Variants in PKD1 observed in about 807,000 individuals in gnomAD.
PKD1 encodes polycystin-1.
In PKD1, 81 loss-of-function variants were observed where a neutral mutation model predicts 361.7. The observed-to-expected ratio is 0.22, with a 90% CI of 0.19 to 0.27. The LOEUF (loss-of-function observed/expected upper bound fraction) is 0.27, where lower values mean the gene tolerates loss of function less well. Ranked by LOEUF, PKD1 falls within the 10% of genes least tolerant of loss-of-function variation. The pLI is 1.00. For synonymous variants in PKD1, 3,615 were observed against 2,818.3 expected (o/e 1.28, Z -8.95); for missense variants, 6,399 against 6,118.3 (o/e 1.05, Z -1.53).
chr16:2,102,728 C>G (rs2092148039), intron 24 of PKD1, 86 bp downstream of exon 24: 1 of 1,606,028 alleles, frequency 6.2e-7, no homozygotes, highest in South Asian at 1.1e-5. Context: ...CCCTCGCTGC[C>G]TGCCGTCCCC....
In PKD1 at chr16:2,103,485, C is replaced by T. The variant is rs755522953; in HGVS notation, c.8572G>A (p.Gly2858Ser). ...VASMAFQTQAGAQIPIERLAS... is the reference protein window; with the variant it reads ...VASMAFQTQASAQIPIERLAS... The stretch of plus-strand genomic sequence containing the variant: ...AGCCGCTCGATGGGGATCTGGGCGC[C>T]GGCCTGTGTCTGGAATGCCATCGAG... Residue 2858 changes from glycine to serine, a missense_variant, in exon 23 of 46, where the codon GGC becomes AGC. Physicochemically the swap from Gly to Ser is moderately conservative, Grantham distance 56. Transcript: ENST00000262304. 117 of 1,602,202 alleles carry T rather than the reference C, an allele frequency of 7.3e-5. No homozygotes were observed. The highest frequency in any genetic ancestry group is 8.9e-5 in the East Asian group (4 of 44,854).
At position 2,109,053 on chromosome 16, in the gene PKD1, G is replaced by C; in HGVS notation, c.6114C>G (p.Ile2038Met). 1 of 1,607,322 alleles carries C rather than the reference G, an allele frequency of 6.2e-7. No individual in the cohort carries two copies. The highest frequency in any genetic ancestry group is 1.1e-5 in the South Asian group (1 of 90,956). ...CCAGGGCGTTGAAGGCGCGCACCTG[G>C]ATCTCCAACAGCCCCGCGGCCACGG... Reference protein sequence around the residue: ...YTPVAAGLLEIQVRAFNALGS... With the variant: ...YTPVAAGLLEMQVRAFNALGS... The change falls in exon 15 of 46, where the codon ATC (isoleucine) becomes ATG (methionine). Residue 2038 changes from isoleucine (I) to methionine (M), a missense_variant. Transcript: ENST00000262304.
rs1871077601 is a variant in PKD1, at chr16:2,112,399, T to G, written c.3236A>C (p.Asp1079Ala). ...CACCAGCACCTGGGCCACCGAGGGG[T>G]CTGGAACCGGGAAGGACTCGTTGTA... ...PPYNESFPVP[D>A]PSVAQVLVEH... Residue 1079 changes from aspartate (D) to alanine (A), a missense_variant, in exon 14 of 46, where the codon GAC becomes GCC. Asp to Ala is a moderately radical substitution (Grantham distance 126). Coordinates refer to ENST00000262304, the MANE Select transcript of PKD1 (RefSeq NM_001009944.3). 14 of 1,587,054 alleles carry G rather than the reference T, an allele frequency of 8.8e-6. No individual in the cohort carries two copies. Among genetic ancestry groups the G allele is most frequent in the Non-Finnish European group, 1.2e-5 (14 of 1,174,198 alleles).
In PKD1 at chr16:2,123,248, G is replaced by A. The variant is rs543391883; in HGVS notation, c.216-3870C>T. 1.4e-4 allele frequency among the ~76,000 whole-genome samples: 21 copies of A among 152,250 alleles called. 1 individual carries two copies. In the East Asian group the frequency reaches 4.1e-3, roughly 30 times the overall value. On this transcript the variant is annotated intron_variant, in intron 1 of 45. Transcript: ENST00000262304. ...CCCAGAAATGCAGCAAGGTCTTGGG[G>A]ACCCCGCTCGGCCGAGCTCCCAGGG...
At position 2,090,291 on chromosome 16, in the gene PKD1, G is replaced by A; in HGVS notation, c.12438C>T (p.Val4146=). The part of the protein sequence containing the change: ...RLRLWMGLSK[V]KEFRHKVRFE... ...CCCACTGGGCCGTACCCACCTCCTT[G>A]ACCTTGCTGAGGCCCATCCAGAGGC... The change falls in exon 45 of 46, where the codon GTC becomes GTT. Residue 4146 remains valine, a synonymous_variant. Coordinates refer to ENST00000262304, the MANE Select transcript of PKD1 (RefSeq NM_001009944.3). 6.2e-7 allele frequency: 1 copy of A among 1,609,872 alleles called. No individual in the cohort carries two copies. Among genetic ancestry groups the A allele is most frequent in the South Asian group, 1.1e-5 (1 of 90,856 alleles).
chr16:2,098,025 C>T, intron 30 of PKD1, 41 bp from the exon 31 acceptor site: 1 of 1,120,072 alleles, frequency 8.9e-7, no homozygotes, highest in Non-Finnish European at 1.3e-6. Flanking sequence ...GCAGCTCAGA[C>T]CTGCTCAGGA....
Position 2,108,288 on chromosome 16 carries a change from C to T in PKD1, c.6879G>A (p.Pro2293=), listed in dbSNP as rs368538584. 2.0e-5 allele frequency: 32 copies of T among 1,601,108 alleles called. No individual in the cohort carries two copies. Among genetic ancestry groups the T allele is most frequent in the South Asian group, 8.9e-5 (8 of 90,240 alleles). Residue 2293 remains proline (P), a synonymous_variant, in exon 15 of 46, where the codon CCG becomes CCA. Transcript: ENST00000262304. ...CCACACAGGCCCAGTGGAAACTGAGCGGCGTCTGGTCGCCGTCCTCCAGGT... is the reference window on the plus strand; with the variant it reads ...CCACACAGGCCCAGTGGAAACTGAGTGGCGTCTGGTCGCCGTCCTCCAGGT... The part of the protein sequence containing the change: ...DPNLEDGDQT[P]LSFHWACVAS...
At position 2,132,592 on chromosome 16, in the gene PKD1, G is replaced by GA. The variant is rs1156324208; in HGVS notation, c.215+2882dup. ...TCCGTCTCAAAAAAAAAAAAAAAAA[G>GA]AAAAAAAAAAAGACATCAACTAATT... On this transcript the variant is annotated intron_variant, in intron 1 of 45. Transcript: ENST00000262304. 1.0e-4 allele frequency among the ~76,000 whole-genome samples: 14 copies of GA among 134,588 alleles called. 1 individual carries two copies. The highest frequency in any genetic ancestry group is 1.2e-4 in the African/African-American group (4 of 33,454). The allele number at this position is 134,588 out of a possible 152,430, so 88.3% of individuals were successfully genotyped here. A position where few individuals can be genotyped will look rare whatever the true frequency, so the allele number is the denominator to read the frequency against.
At position 2,089,463 on chromosome 16, in the gene PKD1, A is replaced by T. The variant is rs1425565939; in HGVS notation, c.*264T>A. 2.4e-5 allele frequency: 13 copies of T among 544,050 alleles called. No individual in the cohort carries two copies. Among genetic ancestry groups the T allele is most frequent in the Non-Finnish European group, 3.9e-5 (12 of 304,170 alleles). The allele number at this position is 544,050 out of a possible 1,614,324, so 33.7% of individuals were successfully genotyped here. On this transcript the variant is annotated 3_prime_UTR_variant, in exon 46 of 46. Transcript: ENST00000262304. ...GCCCGCTGTACCTGAGGACTCGGGG[A>T]AATAAATTAGCATCTCAGAGGCTAG...
At chr16:2,132,344 C>T (rs894218512) in intron 1 of PKD1, among the ~76,000 whole-genome samples, 1 of 151,396 alleles carries the variant, frequency 6.6e-6, no homozygotes, top group Non-Finnish European at 1.5e-5. Context: ...CCGAGGTGGG[C>T]AGATCACGAG....
Position 2,110,614 on chromosome 16 carries a change from T to G in PKD1, c.4553A>C (p.Asn1518Thr). 1 of 1,610,296 alleles carries G rather than the reference T, an allele frequency of 6.2e-7. No homozygotes were observed. The highest frequency in any genetic ancestry group is 8.5e-7 in the Non-Finnish European group (1 of 1,179,476). Residue 1518 changes from asparagine to threonine, a missense_variant, in exon 15 of 46, where the codon AAC becomes ACC. Transcript: ENST00000262304. ...CCTAACGGTGAAGTCACCTGTGCTG[T>G]TGTAAGCGTGGGTGACCTCCGGACC... ...LEGPEVTHAY[N>T]STGDFTVRVA...
Position 2,108,504 on chromosome 16 carries a change from C to G in PKD1, c.6663G>C (p.Leu2221=), listed in dbSNP as rs777767825. The part of the protein sequence containing the change: ...VSRPRLVLPR[L]ALPVGHYCFV... Reference sequence around the variant, plus strand: ...AGCAGTAGTGCCCCACAGGCAGCGCCAGCCGCGGCAGCACCAGCCGAGGCC... The same window carrying G: ...AGCAGTAGTGCCCCACAGGCAGCGCGAGCCGCGGCAGCACCAGCCGAGGCC... The change falls in exon 15 of 46, where the codon CTG becomes CTC. Residue 2221 remains leucine, a synonymous_variant. Coordinates refer to ENST00000262304, the MANE Select transcript of PKD1 (RefSeq NM_001009944.3). 6.2e-7 allele frequency: 1 copy of G among 1,608,592 alleles called. No individual in the cohort carries two copies. Among genetic ancestry groups the G allele is most frequent in the Non-Finnish European group, 8.5e-7 (1 of 1,179,254 alleles).
At chr16:2,099,285 G>A (rs2091986250) in intron 30 of PKD1, 31 of 365,810 alleles carry the variant, frequency 8.5e-5, no homozygotes, top group South Asian at 6.2e-4. Flanking sequence ...GTTTCTAAGG[G>A]ACTAACTCAG....
intron 1 of PKD1, among the ~76,000 whole-genome samples, chr16:2,132,205 G>C (rs1242002122): frequency 6.9e-6 from 1 of 145,658 alleles, no homozygotes; most frequent in Admixed American, 6.9e-5. Flanking sequence ...AGGTGAGATC[G>C]CGCCACTGCA....
chr16:2,104,981 G>A (rs1289168068), intron 21 of PKD1, among the ~76,000 whole-genome samples: 1 of 85,726 alleles, frequency 1.2e-5, no homozygotes, highest in Non-Finnish European at 2.5e-5. Flanking sequence ...GGGGAGGGGA[G>A]GAGGGGAAGG....
rs763918622 is a variant in PKD1 at position 2,109,974 on chromosome 16, G to A, written c.5193C>T (p.Ala1731=). The A allele has an allele frequency of 3.4e-5, 55 of 1,609,832 alleles. No individual in the cohort carries two copies. The highest frequency in any genetic ancestry group is 8.3e-5 in the Admixed American group (5 of 59,914). ...LMVAASPNPA[A]VNTSVTLSAE... is the part of the protein sequence containing the mutation. Reference sequence around the variant, plus strand: ...CACTGAGGGTGACGCTTGTGTTGACGGCAGCTGGGTTCGGGGAGGCGGCCA... The same window carrying A: ...CACTGAGGGTGACGCTTGTGTTGACAGCAGCTGGGTTCGGGGAGGCGGCCA... The change falls in exon 15 of 46, where the codon GCC becomes GCT. Residue 1731 remains alanine (A), a synonymous_variant. Coordinates refer to ENST00000262304, the MANE Select transcript of PKD1 (RefSeq NM_001009944.3).
chr16:2,093,779 G>A (rs1489510260), intron 36 of PKD1, 32 bp downstream of exon 36: 6 of 1,558,482 alleles, frequency 3.8e-6, no homozygotes, highest in Non-Finnish European at 4.3e-6. Flanking sequence ...CCGTGATGGA[G>A]GCCTGTAGCC....
chr16:2,117,959 G>A lies in PKD1; in HGVS notation c.1033C>T (p.Leu345=), dbSNP rs1270194933. Residue 345 remains leucine, a synonymous_variant, in exon 5 of 46, where the codon CTG becomes TTG. Transcript: ENST00000262304. ...AVLALGAGSA[L]LGTDVQVEAA... ...TCCACCTGCACGTCTGTCCCCAGCA[G>A]GGCTGAGCCGGCCCCCAGGGCCAGC... is the stretch of plus-strand genomic sequence containing the variant. The A allele has an allele frequency of 4.6e-6, 7 of 1,524,882 alleles. No homozygotes were observed. The Admixed American group carries it at 9.1e-5, about 20-fold the overall frequency. 94.5% of individuals were successfully genotyped at this position (1,524,882 alleles called of 1,614,324 possible).
Position 2,096,858 on chromosome 16 carries a change from C to T in PKD1, c.10499+290G>A, listed in dbSNP as rs2151723986. ...AAAACCCGCCCATAATTTCTCACTG[C>T]TCTGAGACCAAGATAAAAACGTGGC... On this transcript the variant is annotated intron_variant, in intron 34 of 45. Coordinates refer to ENST00000262304, the MANE Select transcript of PKD1 (RefSeq NM_001009944.3). The T allele has an allele frequency of 1.3e-5, 7 of 521,426 alleles. No individual in the cohort carries two copies. The East Asian group carries it at 1.6e-4, about 12-fold the overall frequency. 32.3% of individuals were successfully genotyped at this position (521,426 alleles called of 1,614,324 possible).
Sources: gnomAD v4.1 joint callset for allele counts (sites outside exome capture counted in the v4.1 genomes callset) on GRCh38, gnomAD v4.1.1 for gene constraint, MANE v1.5 for transcripts, NCBI Gene and HGNC (gene_info 2026-07-23, HGNC 2026-07-21) for gene names.